Variants in MROH9 observed in about 807,000 individuals in gnomAD.
MROH9 encodes the protein maestro heat like repeat family member 9.
Under a neutral mutation model 98.2 loss-of-function variants are expected in MROH9, and 92 were observed. That is an observed-to-expected ratio of 0.94 (90% confidence interval 0.79 to 1.11). MROH9 has a LOEUF of 1.11. Among genes scored for constraint, MROH9 ranks in the 50% most tolerant of loss-of-function variants. The probability of loss-of-function intolerance (pLI) is 0.00; values close to 1 mark genes in which losing one functional copy is unlikely to be tolerated. For synonymous variants in MROH9, 397 were observed against 368.9 expected, an observed-to-expected ratio of 1.08 and a Z score of -0.87; for missense variants, 1,057 against 1,014.8, an observed-to-expected ratio of 1.04 and a Z score of -0.57.
intron 1 of MROH9, among the ~76,000 whole-genome samples, chr1:170,937,296 T>C (rs907780463): frequency 6.6e-6 from 1 of 152,242 alleles, no homozygotes; most frequent in Non-Finnish European, 1.5e-5. Context: ...TCTTCCTTGA[T>C]GTCCTGTAAC....
chr1:170,965,500 C>G (rs1465873405), intron 7 of MROH9, among the ~76,000 whole-genome samples: 2 of 152,096 alleles, frequency 1.3e-5, no homozygotes, highest in African/African-American at 4.8e-5. Context: ...GTGTTAAAAC[C>G]AGATTCTTGC....
intron 20 of MROH9, among the ~76,000 whole-genome samples, chr1:171,049,071 G>T (rs563922619): frequency 1.3e-5 from 2 of 152,258 alleles, no homozygotes; most frequent in African/African-American, 4.8e-5. Flanking sequence ...CAAGGGAAAG[G>T]AAAGTGTCTT....
chr1:171,002,039 G>A (rs1222059489), intron 15 of MROH9, among the ~76,000 whole-genome samples: 1 of 152,004 alleles, frequency 6.6e-6, no homozygotes, highest in East Asian at 1.9e-4. Context: ...AGTTTATTTT[G>A]TCTGATATAA....
Position 170,965,260 on chromosome 1 carries a change from G to A in MROH9, c.480+5G>A. On this transcript the variant is annotated splice_donor_5th_base_variant and intron_variant, in intron 7 of 21. Transcript: ENST00000367759. ...GTCACAAAAGTCAGAAAATACGTAA[G>A]TCACAGAATATAACAATGCCACCTG... The A allele has an allele frequency of 6.3e-7, 1 of 1,577,230 alleles. No individual in the cohort carries two copies. Among genetic ancestry groups the A allele is most frequent in the Non-Finnish European group, 8.7e-7 (1 of 1,146,944 alleles).
intron 11 of MROH9, among the ~76,000 whole-genome samples, chr1:170,991,573 A>T (rs1006948092): frequency 6.6e-6 from 1 of 152,128 alleles, no homozygotes; most frequent in African/African-American, 2.4e-5. Context: ...CTAATCTTGA[A>T]GAGTGTCGAG....
rs3077629 is a variant in MROH9, at chr1:171,024,303, G to GGTGTGTGT, written c.1909-71_1909-64dup. ...ATACATATATAGTATATTTATATGG[G>GGTGTGTGT]GTGTGTGTGTGTGTGTGTGTGTGTG... is the stretch of plus-strand genomic sequence containing the variant. On this transcript the variant is annotated intron_variant, in intron 17 of 21. Coordinates refer to ENST00000367759, the MANE Select transcript of MROH9 (RefSeq NM_001163629.2). 1.2e-3 allele frequency: 815 copies of GGTGTGTGT among 670,026 alleles called. 2 individuals are homozygous for GGTGTGTGT. Among genetic ancestry groups the GGTGTGTGT allele is most frequent in the South Asian group, 0.011 (566 of 52,258 alleles). 41.5% of individuals were successfully genotyped at this position (670,026 alleles called of 1,614,324 possible). A position where few individuals can be genotyped will look rare whatever the true frequency, so the allele number is the denominator to read the frequency against.
At chr1:170,963,443 C>T (rs537974006) in intron 6 of MROH9, among the ~76,000 whole-genome samples, 1 of 152,160 alleles carries the variant, frequency 6.6e-6, no homozygotes, top group African/African-American at 2.4e-5. Flanking sequence ...GACCTAAAAA[C>T]AGAAATACCA....
At chr1:171,058,388 A>T (rs1653914629) in intron 20 of MROH9, among the ~76,000 whole-genome samples, 1 of 152,088 alleles carries the variant, frequency 6.6e-6, no homozygotes, top group South Asian at 2.1e-4. Flanking sequence ...CTCATGGATA[A>T]GAAGAATCAA....
chr1:171,032,494 T>C (rs1224780093), intron 20 of MROH9, among the ~76,000 whole-genome samples: 1 of 152,164 alleles, frequency 6.6e-6, no homozygotes, highest in Non-Finnish European at 1.5e-5. Context: ...TTGTTGTTTC[T>C]TTCTGCTTGT....
chr1:170,945,452 T>A, intron 1 of MROH9, 68 bp from the exon 2 acceptor site: 1 of 1,049,530 alleles, frequency 9.5e-7, no homozygotes, highest in Non-Finnish European at 1.5e-6. Context: ...ACCATCCATA[T>A]TGATAGAGCA....
intron 17 of MROH9, among the ~76,000 whole-genome samples, chr1:171,018,729 A>G (rs1652410876): frequency 6.6e-6 from 1 of 152,248 alleles, no homozygotes; most frequent in South Asian, 2.1e-4. Context: ...GATGGAGCTG[A>G]AAAACAGCAC....
At chr1:171,001,155 C>T (rs1418697141) in intron 15 of MROH9, among the ~76,000 whole-genome samples, 1 of 151,890 alleles carries the variant, frequency 6.6e-6, no homozygotes, top group Non-Finnish European at 1.5e-5. Flanking sequence ...TCTTTCTAAT[C>T]GTCTATCAAT....
chr1:171,059,033 A>G (rs186601478), intron 20 of MROH9, among the ~76,000 whole-genome samples: 6 of 152,370 alleles, frequency 3.9e-5, no homozygotes, highest in East Asian at 3.9e-4. Flanking sequence ...AAAAGAAACT[A>G]TCATTAGGGT....
At chr1:170,998,851 C>A in intron 15 of MROH9, 1 of 695,578 alleles carries the variant, frequency 1.4e-6, no homozygotes, top group Non-Finnish European at 1.8e-6. Context: ...ATAATAGGCA[C>A]ATATTACCTA....
intron 20 of MROH9, among the ~76,000 whole-genome samples, chr1:171,026,245 C>G (rs1652708502): frequency 6.6e-6 from 1 of 151,580 alleles, no homozygotes; most frequent in Non-Finnish European, 1.5e-5. Context: ...AAAGAAAAAT[C>G]CTGTGTTATC....
At chr1:170,997,875 G>GGGGA (rs1452137158) in intron 14 of MROH9, among the ~76,000 whole-genome samples, 3 of 152,276 alleles carry the variant, frequency 2.0e-5, no homozygotes, top group South Asian at 2.1e-4. Context: ...AAGAATTGAT[G>GGGGA]GGGAGCTTGC....
In MROH9 at chr1:170,971,737, T is replaced by C; in HGVS notation, c.481-11T>C. On this transcript the variant is annotated splice_polypyrimidine_tract_variant and intron_variant, in intron 7 of 21. Coordinates refer to ENST00000367759, the MANE Select transcript of MROH9 (RefSeq NM_001163629.2). The stretch of plus-strand genomic sequence containing the variant: ...ATAGCAAATGCATGTTCTCCTTTGT[T>C]TCTCCATTAGATAAGTGTTGATGCT... The C allele has an allele frequency of 6.2e-7, 1 of 1,613,734 alleles. No homozygotes were observed. Among genetic ancestry groups the C allele is most frequent in the Non-Finnish European group, 8.5e-7 (1 of 1,179,694 alleles).
intron 4 of MROH9, 129 bp from the exon 5 acceptor site, chr1:170,959,333 C>G: frequency 1.3e-6 from 1 of 760,522 alleles, no homozygotes. Flanking sequence ...CGAGATGGCA[C>G]CACTGCACTC....
At chr1:170,961,573 G>T (rs1455175885) in intron 5 of MROH9, among the ~76,000 whole-genome samples, 1 of 152,018 alleles carries the variant, frequency 6.6e-6, no homozygotes, top group Non-Finnish European at 1.5e-5. Flanking sequence ...TATAAACATG[G>T]TAGATGCTTA....
Sources: allele counts gnomAD v4.1 joint callset (sites outside exome capture counted in the v4.1 genomes callset), GRCh38; gene constraint gnomAD v4.1.1; transcripts MANE v1.5; gene names NCBI Gene and HGNC (gene_info 2026-07-23, HGNC 2026-07-21).